The following PCDHGA7 variants were observed in gnomAD, a reference collection of about 807,000 sequenced individuals.
PCDHGA7 encodes the protein protocadherin gamma-A7.
PCDHGA7 carries 44 observed loss-of-function variants against 58.3 expected under a neutral mutation model. That is an observed-to-expected ratio of 0.75 (90% CI 0.59 to 0.97). The LOEUF is 0.97. Among genes scored for constraint, PCDHGA7 ranks in the 50% least tolerant of loss-of-function variants. PCDHGA7 has a pLI of 0.00. For synonymous variants in PCDHGA7, 516 were observed against 504.2 expected (o/e 1.02, Z -0.31); for missense variants, 1,266 against 1,188.7 (o/e 1.06, Z -0.96).
At chr5:141,408,052 C>T in intron 1 of PCDHGA7, 1 of 1,283,102 alleles carries the variant, frequency 7.8e-7, no homozygotes, top group Non-Finnish European at 1.0e-6. Context: ...CACACAGAGC[C>T]TCCCGGCTGC....
chr5:141,482,588 C>T (rs559327092), intron 1 of PCDHGA7, among the ~76,000 whole-genome samples: 3 of 147,192 alleles, frequency 2.0e-5, no homozygotes, highest in Admixed American at 6.8e-5. Context: ...GCAGTGGGAC[C>T]AAACGGGAAA....
chr5:141,433,256 C>T, intron 1 of PCDHGA7: 2 of 1,385,666 alleles, frequency 1.4e-6, no homozygotes, highest in Non-Finnish European at 2.0e-6. Context: ...TGCAGCGGTA[C>T]GATCATAGCT....
intron 3 of PCDHGA7, 43 bp downstream of exon 3, chr5:141,505,524 G>A: frequency 6.2e-7 from 1 of 1,612,712 alleles, no homozygotes; most frequent in Non-Finnish European, 8.5e-7. Context: ...GGAGACCTGG[G>A]GTTCTGGGGT....
chr5:141,507,287 C>G (rs79707942), intron 3 of PCDHGA7: 1 of 148,974 alleles, frequency 6.7e-6, no homozygotes, highest in East Asian at 1.9e-4. Context: ...AAGTCAGTCT[C>G]AAATGTTGCA....
intron 1 of PCDHGA7, chr5:141,421,090 G>C (rs552694052): frequency 1.5e-6 from 1 of 661,192 alleles, no homozygotes; most frequent in Admixed American, 3.2e-5. Context: ...CACAGATCCT[G>C]ACACTGGAGA....
chr5:141,389,171 C>G (rs772221999), intron 1 of PCDHGA7: 11 of 1,613,892 alleles, frequency 6.8e-6, no homozygotes, highest in Admixed American at 3.3e-5. Context: ...GCAAGCCTCC[C>G]CTCTCCTCCA....
At position 141,477,626 on chromosome 5, in the gene PCDHGA7, G is replaced by A. The variant is rs201987467; in HGVS notation, c.2425-17181G>A. The A allele has an allele frequency of 1.9e-5, 31 of 1,614,052 alleles. No individual in the cohort carries two copies. The highest frequency in any genetic ancestry group is 2.5e-5 in the Non-Finnish European group (30 of 1,180,044). Reference sequence around the variant, plus strand: ...TCTCTTGGAGCAAGGAGCTGAAACCGGGCTAGTGGGTCGCTATTTCACAAT... The same window carrying A: ...TCTCTTGGAGCAAGGAGCTGAAACCAGGCTAGTGGGTCGCTATTTCACAAT... On this transcript the variant is annotated intron_variant, in intron 1 of 3. Transcript: ENST00000518325. This position sits in a 1 kb window ranked among gnomAD's most constrained non-coding sequence, Gnocchi z 4.9.
At chr5:141,422,568 C>A (rs372115955) in intron 1 of PCDHGA7, 5 of 1,613,904 alleles carry the variant, frequency 3.1e-6, no homozygotes, top group Admixed American at 3.3e-5. Context: ...CAGATGACAA[C>A]GATAACCCTC....
At chr5:141,460,650 T>C (rs1264813071) in intron 1 of PCDHGA7, among the ~76,000 whole-genome samples, 2 of 152,094 alleles carry the variant, frequency 1.3e-5, no homozygotes, top group East Asian at 3.9e-4. Flanking sequence ...TGTTTACACA[T>C]ATGTAACTGT....
intron 1 of PCDHGA7, chr5:141,405,038 G>C: frequency 6.2e-7 from 1 of 1,613,964 alleles, no homozygotes; most frequent in Non-Finnish European, 8.5e-7. Context: ...CCTCGTTGTG[G>C]CTGTGGCAGT....
chr5:141,393,103 C>A lies in PCDHGA7; in HGVS notation c.2424+7780C>A, dbSNP rs776552182. On this transcript the variant is annotated intron_variant, in intron 1 of 3. Coordinates refer to ENST00000518325, the MANE Select transcript of PCDHGA7 (RefSeq NM_018920.4). ...AGGATAGATCGGGAGGAGCTCTGCGCTCAGAGCCCGCGGTGTCTGATAAAT... is the reference window on the plus strand; with the variant it reads ...AGGATAGATCGGGAGGAGCTCTGCGATCAGAGCCCGCGGTGTCTGATAAAT... The A allele has an allele frequency of 3.2e-5, 51 of 1,613,464 alleles. No homozygotes were observed. Among genetic ancestry groups the A allele is most frequent in the South Asian group, 1.5e-4 (14 of 91,088 alleles).
At position 141,459,533 on chromosome 5, in the gene PCDHGA7, A is replaced by AT. The variant is rs956234847; in HGVS notation, c.2425-35266dup. Among the ~76,000 whole-genome samples the AT allele has an allele frequency of 1.2e-4, 18 of 152,018 alleles. No homozygotes were observed. In the South Asian group the frequency reaches 2.3e-3, roughly 19 times the overall value. ...CATGTACAAGTATTTTTGTAGGCAT[A>AT]TTTTTTTTATTTCTCTTGGATAAAT... is the stretch of plus-strand genomic sequence containing the variant. On this transcript the variant is annotated intron_variant, in intron 1 of 3. Transcript: ENST00000518325.
At chr5:141,398,162 A>G (rs1037240871) in intron 1 of PCDHGA7, 45 of 1,481,274 alleles carry the variant, frequency 3.0e-5, no homozygotes, top group Non-Finnish European at 4.0e-5. Flanking sequence ...GGCCGGGCTG[A>G]GAGGCTGCCA....
chr5:141,500,269 C>T (rs977958449), intron 2 of PCDHGA7, among the ~76,000 whole-genome samples: 1 of 151,504 alleles, frequency 6.6e-6, no homozygotes, highest in African/African-American at 2.4e-5. Context: ...ACTGCAGTGG[C>T]GCAATCTCGG....
rs372054375 is a variant in PCDHGA7, at chr5:141,490,825, A to T, written c.2425-3982A>T. 9 of 1,613,692 alleles carry T rather than the reference A, an allele frequency of 5.6e-6. No individual in the cohort carries two copies. The highest frequency in any genetic ancestry group is 3.3e-4 in the Middle Eastern group (2 of 6,062). On this transcript the variant is annotated intron_variant, in intron 1 of 3. Transcript: ENST00000518325. This position sits in a 1 kb window ranked among gnomAD's most constrained non-coding sequence, Gnocchi z 5.4. ...TACCTTTGACTATGAATTGCTGCAG[A>T]TGCTGCAGATTGTGGTGGGGGTTCG... is the stretch of plus-strand genomic sequence containing the variant.
At chr5:141,496,310 A>G (rs1446146598) in intron 2 of PCDHGA7, among the ~76,000 whole-genome samples, 1 of 152,218 alleles carries the variant, frequency 6.6e-6, no homozygotes, top group East Asian at 1.9e-4. Context: ...GCTCTGCGCC[A>G]GGCCTCCCAG....
intron 1 of PCDHGA7, chr5:141,405,545 A>G (rs952875482): frequency 1.6e-6 from 1 of 631,162 alleles, no homozygotes; most frequent in South Asian, 2.0e-5. Flanking sequence ...TCAGCCTCCC[A>G]AGTAGAGTAG....
At chr5:141,394,240 C>T in intron 1 of PCDHGA7, 1 of 1,613,940 alleles carries the variant, frequency 6.2e-7, no homozygotes, top group Non-Finnish European at 8.5e-7. Context: ...TCCTTGACTG[C>T]ACACGACCCC....
chr5:141,418,080 A>T (rs1590086455), intron 1 of PCDHGA7: 1 of 1,614,046 alleles, frequency 6.2e-7, no homozygotes, highest in East Asian at 2.2e-5. Flanking sequence ...GAGAAGCTGC[A>T]CTTCAGCGTA....
Sources: allele counts gnomAD v4.1 joint callset (sites outside exome capture counted in the v4.1 genomes callset), GRCh38; gene constraint gnomAD v4.1.1; non-coding constraint Gnocchi (gnomAD v3.1); transcripts MANE v1.5; gene names NCBI Gene and HGNC (gene_info 2026-07-23, HGNC 2026-07-21).